Variants in GATB observed in about 807,000 individuals in gnomAD.
GATB encodes glutamyl-tRNA amidotransferase subunit B, also known as glutamyl-tRNA(Gln) amidotransferase subunit B, mitochondrial.
Under a neutral mutation model 62.3 loss-of-function variants are expected in GATB, and 39 were observed. That is an observed-to-expected ratio of 0.63 (90% CI 0.48 to 0.82). GATB has a LOEUF of 0.82. Among genes scored for constraint, GATB ranks in the 40% least tolerant of loss-of-function variants. The probability of loss-of-function intolerance (pLI) is 0.00; values close to 1 mark genes in which losing one functional copy is unlikely to be tolerated. For missense variants in GATB, 670 were observed against 684.0 expected, an observed-to-expected ratio of 0.98 and a Z score of 0.23; for synonymous variants, 276 against 258.9, an observed-to-expected ratio of 1.07 and a Z score of -0.63.
intron 9 of GATB, among the ~76,000 whole-genome samples, chr4:151,700,323 G>C (rs1052749725): frequency 6.6e-6 from 1 of 152,156 alleles, no homozygotes; most frequent in Non-Finnish European, 1.5e-5. Flanking sequence ...TTGCCAGAGA[G>C]GTAAGAAGAA....
At chr4:151,708,480 CAA>C (rs1453382603) in intron 5 of GATB, among the ~76,000 whole-genome samples, 2 of 151,810 alleles carry the variant, frequency 1.3e-5, no homozygotes, top group Non-Finnish European at 2.9e-5. Flanking sequence ...AGTTTTTTTT[CAA>C]AGTGTCAGAG....
intron 6 of GATB, among the ~76,000 whole-genome samples, chr4:151,705,553 G>C (rs751070623): frequency 3.9e-5 from 6 of 152,136 alleles, no homozygotes; most frequent in Non-Finnish European, 8.8e-5. Context: ...TGGCAGAAGT[G>C]GGGCTGGGCC....
intron 2 of GATB, among the ~76,000 whole-genome samples, chr4:151,727,931 G>T (rs1256801576): frequency 6.6e-6 from 1 of 152,184 alleles, no homozygotes; most frequent in African/African-American, 2.4e-5. Context: ...GGGCTAAACA[G>T]CTCCACAGAT....
At chr4:151,688,930 G>T (rs1208119147) in intron 9 of GATB, among the ~76,000 whole-genome samples, 167 bp from the exon 10 acceptor site, 1 of 152,132 alleles carries the variant, frequency 6.6e-6, no homozygotes, top group Non-Finnish European at 1.5e-5. Flanking sequence ...TTCAGCTAAT[G>T]ACAACTATTC....
chr4:151,731,593 G>C (rs1462261122), intron 2 of GATB, among the ~76,000 whole-genome samples: 5 of 152,054 alleles, frequency 3.3e-5, no homozygotes, highest in African/African-American at 1.2e-4. Context: ...GGGATGTGAG[G>C]AACGCCTCTG....
In GATB at chr4:151,716,887, A is replaced by C; in HGVS notation, c.629T>G (p.Leu210Trp). ...DNLRSQTLID[L>W]NRAGVGLLEV... ...CACTCCAAGCCTACCTGCCCTGTTC[A>C]AATCAATGAGCGTCTGAGACCTCAG... Residue 210 changes from leucine to tryptophan, a missense_variant, in exon 4 of 13, where the codon TTG (leucine) becomes TGG (tryptophan). Leu to Trp is a moderately conservative substitution (Grantham distance 61, BLOSUM62 -2). Transcript: ENST00000263985. 6.2e-7 allele frequency: 1 copy of C among 1,614,232 alleles called. No homozygotes were observed. Among genetic ancestry groups the C allele is most frequent in the South Asian group, 1.1e-5 (1 of 91,084 alleles).
intron 5 of GATB, among the ~76,000 whole-genome samples, chr4:151,711,028 A>G (rs1738808626): frequency 6.6e-6 from 1 of 152,128 alleles, no homozygotes; most frequent in South Asian, 2.1e-4. Context: ...CAGCACCACC[A>G]TCTAGCTCCT....
chr4:151,719,842 G>A (rs757721196), intron 2 of GATB: 4 of 268,852 alleles, frequency 1.5e-5, no homozygotes, highest in Middle Eastern at 1.1e-3. Context: ...AAAGCTTAGC[G>A]GAGTGGTTAC....
At chr4:151,672,133 T>C (rs1358077848) in intron 12 of GATB, among the ~76,000 whole-genome samples, 4 of 152,058 alleles carry the variant, frequency 2.6e-5, no homozygotes, top group Non-Finnish European at 5.9e-5. Flanking sequence ...ATGCCGACAA[T>C]TTTTTTCCCC....
chr4:151,722,449 G>A, intron 2 of GATB: 1 of 521,780 alleles, frequency 1.9e-6, no homozygotes, highest in Non-Finnish European at 3.4e-6. Context: ...CACGACAAAG[G>A]CCAAGCTCTT....
chr4:151,721,508 C>G (rs1282546261), intron 2 of GATB: 1 of 152,278 alleles, frequency 6.6e-6, no homozygotes, highest in Non-Finnish European at 1.5e-5. Flanking sequence ...TACTGAGATA[C>G]AAACATAGCT....
At chr4:151,683,235 C>T (rs1738179810) in intron 10 of GATB, among the ~76,000 whole-genome samples, 1 of 152,214 alleles carries the variant, frequency 6.6e-6, no homozygotes, top group Admixed American at 6.5e-5. Flanking sequence ...ACTACCTACC[C>T]TGTGTAAGCA....
At chr4:151,748,192 G>A (rs1739641109) in intron 2 of GATB, among the ~76,000 whole-genome samples, 1 of 152,126 alleles carries the variant, frequency 6.6e-6, no homozygotes, top group Non-Finnish European at 1.5e-5. Flanking sequence ...CCAAAAAAGA[G>A]CCCGCATTGC....
intron 2 of GATB, among the ~76,000 whole-genome samples, chr4:151,742,640 G>T (rs1319546179): frequency 6.6e-6 from 1 of 152,176 alleles, no homozygotes; most frequent in Non-Finnish European, 1.5e-5. Flanking sequence ...TACTAACTCT[G>T]TGGTCCAGAA....
chr4:151,694,426 G>T (rs1738429111), intron 9 of GATB, among the ~76,000 whole-genome samples: 1 of 152,104 alleles, frequency 6.6e-6, no homozygotes, highest in Non-Finnish European at 1.5e-5. Context: ...CAAAAGAAAT[G>T]AACTGCTGGT....
intron 2 of GATB, among the ~76,000 whole-genome samples, chr4:151,745,199 C>T (rs945933511): frequency 4.6e-5 from 7 of 152,108 alleles, no homozygotes; most frequent in South Asian, 2.1e-4. Context: ...TGTGAATGGA[C>T]GGAGAGATAA....
intron 11 of GATB, among the ~76,000 whole-genome samples, chr4:151,678,561 A>G (rs924670570): frequency 2.0e-5 from 3 of 152,110 alleles, no homozygotes; most frequent in Non-Finnish European, 4.4e-5. Context: ...CCAGACAAGC[A>G]AGAGCCTTTC....
intron 9 of GATB, among the ~76,000 whole-genome samples, chr4:151,690,726 A>G (rs558838853): frequency 6.6e-6 from 1 of 152,348 alleles, no homozygotes; most frequent in South Asian, 2.1e-4. Context: ...TTGGATGGAT[A>G]ACACGGCAAG....
chr4:151,681,238 T>C (rs1738131853), intron 10 of GATB, among the ~76,000 whole-genome samples: 1 of 152,210 alleles, frequency 6.6e-6, no homozygotes, highest in East Asian at 1.9e-4. Flanking sequence ...TGAAACCCTA[T>C]TGGGGCTGTC....
Sources: allele counts gnomAD v4.1 joint callset (sites outside exome capture counted in the v4.1 genomes callset), GRCh38; gene constraint gnomAD v4.1.1; transcripts MANE v1.5; gene names NCBI Gene and HGNC (gene_info 2026-07-23, HGNC 2026-07-21).